HIBADH: variants seen among roughly 807,000 people sequenced by gnomAD.
HIBADH encodes the protein 3-hydroxyisobutyrate dehydrogenase, mitochondrial.
A neutral mutation model predicts 36.1 loss-of-function variants in HIBADH; 25 were observed. The observed-to-expected ratio is 0.69, with a 90% CI of 0.50 to 0.97. The LOEUF (loss-of-function observed/expected upper bound fraction) is 0.97, where lower values mean the gene tolerates loss of function less well. Among genes scored for constraint, HIBADH ranks in the 50% least tolerant of loss-of-function variants. The probability of loss-of-function intolerance (pLI) is 0.00; values close to 1 mark genes in which losing one functional copy is unlikely to be tolerated. For synonymous variants in HIBADH, 160 were observed against 149.5 expected, an observed-to-expected ratio of 1.07 and a Z score of -0.51; for missense variants, 421 against 418.0, an observed-to-expected ratio of 1.01 and a Z score of -0.06.
intron 2 of HIBADH, among the ~76,000 whole-genome samples, chr7:27,642,985 A>C (rs2128296078): frequency 6.6e-6 from 1 of 151,746 alleles, no homozygotes; most frequent in East Asian, 1.9e-4. Flanking sequence ...TCCCCTAACC[A>C]CCCTCTCACC....
chr7:27,535,523 A>G (rs1026863453), intron 6 of HIBADH, among the ~76,000 whole-genome samples: 1 of 151,812 alleles, frequency 6.6e-6, no homozygotes, highest in Non-Finnish European at 1.5e-5. Flanking sequence ...ACCACCAAAA[A>G]TTTTTTTTTA....
At chr7:27,628,902 GTTCTCT>G (rs1785695597) in intron 4 of HIBADH, among the ~76,000 whole-genome samples, 1 of 151,916 alleles carries the variant, frequency 6.6e-6, no homozygotes, top group Non-Finnish European at 1.5e-5. Context: ...CTCTTTTCCT[GTTCTCT>G]GGAAAAGTTC....
chr7:27,565,552 G>A (rs1583572243), intron 4 of HIBADH, among the ~76,000 whole-genome samples: 1 of 152,186 alleles, frequency 6.6e-6, no homozygotes, highest in Admixed American at 6.6e-5. Context: ...CTCATTTACT[G>A]TTTATAAGCA....
intron 4 of HIBADH, among the ~76,000 whole-genome samples, chr7:27,613,664 TG>T (rs1429063181): frequency 6.0e-5 from 4 of 66,346 alleles, no homozygotes; most frequent in African/African-American, 2.6e-4. Context: ...GGGTTTTTTT[TG>T]TTTTTTTTTT....
chr7:27,562,270 A>G (rs1350963945), intron 4 of HIBADH, among the ~76,000 whole-genome samples: 1 of 152,214 alleles, frequency 6.6e-6, no homozygotes, highest in Non-Finnish European at 1.5e-5. Context: ...ACTTGAAGTT[A>G]AACTGAAAAG....
intron 4 of HIBADH, among the ~76,000 whole-genome samples, chr7:27,578,024 A>G (rs775187622): frequency 6.6e-6 from 1 of 152,210 alleles, no homozygotes; most frequent in Non-Finnish European, 1.5e-5. Context: ...CTTACTCCTC[A>G]CAGAATACTG....
rs12113735 is a variant in HIBADH, at chr7:27,587,968, A to G, written c.484+41403T>C. Among the ~76,000 whole-genome samples, 499 of 152,360 alleles carry G rather than the reference A, an allele frequency of 3.3e-3. 3 individuals are homozygous for G. Among genetic ancestry groups the G allele is most frequent in the African/African-American group, 0.011 (477 of 41,588 alleles). On this transcript the variant is annotated intron_variant, in intron 4 of 7. Transcript: ENST00000265395. Reference sequence around the variant, plus strand: ...AGCAGTTTAGAAGAGAAAGGGAATAAGTAATGTCTGTTTATGAATCATGCA... The same window carrying G: ...AGCAGTTTAGAAGAGAAAGGGAATAGGTAATGTCTGTTTATGAATCATGCA...
At chr7:27,555,285 GA>G (rs1784374527) in intron 4 of HIBADH, among the ~76,000 whole-genome samples, 2 of 146,112 alleles carry the variant, frequency 1.4e-5, no homozygotes, top group African/African-American at 5.1e-5. Flanking sequence ...ACAGCAAAAG[GA>G]ACATTTCTTG....
intron 4 of HIBADH, among the ~76,000 whole-genome samples, chr7:27,613,657 T>A (rs978847980): frequency 1.7e-5 from 1 of 59,898 alleles, no homozygotes; most frequent in South Asian, 4.6e-4. Flanking sequence ...TTGTTGTGGG[T>A]TTTTTTTGTT....
intron 4 of HIBADH, among the ~76,000 whole-genome samples, chr7:27,615,327 C>G (rs547551437): frequency 6.6e-6 from 1 of 152,272 alleles, no homozygotes; most frequent in Non-Finnish European, 1.5e-5. Flanking sequence ...GAGTTGCTAA[C>G]AACCTAGAGA....
chr7:27,525,461 T>C lies in HIBADH; in HGVS notation c.*753A>G, dbSNP rs1783875583. 2.6e-5 allele frequency: 4 copies of C among 152,124 alleles called. No individual in the cohort carries two copies. The South Asian group carries it at 8.3e-4, about 32-fold the overall frequency. The allele number at this position is 152,124 out of a possible 1,614,324, so 9.4% of individuals were successfully genotyped here. ...AAAGTATTACCAGTATAGAAATTTA[T>C]TTGAATTCAAAATAATATGGCTATA... On this transcript the variant is annotated 3_prime_UTR_variant, in exon 8 of 8. Transcript: ENST00000265395.
intron 4 of HIBADH, among the ~76,000 whole-genome samples, chr7:27,602,258 A>G (rs1785142626): frequency 6.6e-6 from 1 of 152,150 alleles, no homozygotes; most frequent in South Asian, 2.1e-4. Flanking sequence ...CCAGTGTGAT[A>G]AACTGACACA....
At chr7:27,573,623 C>T (rs1434424292) in intron 4 of HIBADH, among the ~76,000 whole-genome samples, 1 of 152,112 alleles carries the variant, frequency 6.6e-6, no homozygotes, top group African/African-American at 2.4e-5. Flanking sequence ...CAAACTTTGA[C>T]AGGTAGTGCA....
intron 6 of HIBADH, among the ~76,000 whole-genome samples, chr7:27,537,823 T>C (rs1223216912): frequency 6.6e-6 from 1 of 152,136 alleles, no homozygotes; most frequent in Admixed American, 6.6e-5. Context: ...GTTATGCATA[T>C]GAATTGCATC....
At chr7:27,550,210 G>T (rs1204602611) in intron 4 of HIBADH, among the ~76,000 whole-genome samples, 5 of 151,958 alleles carry the variant, frequency 3.3e-5, no homozygotes, top group African/African-American at 1.2e-4. Context: ...CGCCCAGCCA[G>T]CATTTCTTAT....
intron 4 of HIBADH, among the ~76,000 whole-genome samples, chr7:27,627,278 G>C (rs1174549193): frequency 6.6e-6 from 1 of 152,086 alleles, no homozygotes; most frequent in Non-Finnish European, 1.5e-5. Flanking sequence ...CTCAACCAAG[G>C]AACCAACCAA....
intron 5 of HIBADH, among the ~76,000 whole-genome samples, chr7:27,541,132 C>CT (rs60000681): frequency 4.7e-4 from 68 of 144,300 alleles, no homozygotes; most frequent in Admixed American, 1.4e-3. Flanking sequence ...TTCGAGCATC[C>CT]TTTTTTTTTT....
intron 1 of HIBADH, among the ~76,000 whole-genome samples, chr7:27,652,673 T>C (rs6959495): frequency 0.76 from 115,388 of 152,162 alleles, 44,181 homozygotes; most frequent in East Asian, 0.94. Flanking sequence ...CCTCGTTTGC[T>C]GATGGCCATT....
At chr7:27,584,191 A>G (rs920555827) in intron 4 of HIBADH, among the ~76,000 whole-genome samples, 1 of 152,086 alleles carries the variant, frequency 6.6e-6, no homozygotes, top group Admixed American at 6.6e-5. Flanking sequence ...GCTTGTTGCA[A>G]TGTGGAAAGA....
Sources: gnomAD v4.1 joint callset for allele counts (sites outside exome capture counted in the v4.1 genomes callset) on GRCh38, gnomAD v4.1.1 for gene constraint, MANE v1.5 for transcripts, NCBI Gene and HGNC (gene_info 2026-07-23, HGNC 2026-07-21) for gene names.